The following TAF8 variants were observed in gnomAD, a reference collection of about 807,000 sequenced individuals.
TAF8 encodes transcription initiation factor TFIID subunit 8.
In TAF8, 47 loss-of-function variants were observed where a neutral mutation model predicts 36.5. That is an observed-to-expected ratio of 1.29 (90% CI 1.02 to 1.64). The LOEUF is 1.64. Ranked by LOEUF, TAF8 falls within the 40% of genes most tolerant of loss-of-function variation. TAF8 has a pLI of 0.00. For missense variants in TAF8, 420 were observed against 407.6 expected (o/e 1.03, Z -0.26); for synonymous variants, 175 against 159.5 (o/e 1.10, Z -0.73).
intron 7 of TAF8, among the ~76,000 whole-genome samples, chr6:42,074,804 T>TA (rs539783179): frequency 2.7e-4 from 41 of 151,452 alleles, no homozygotes; most frequent in Non-Finnish European, 5.2e-4. Context: ...CCCAAAGTGC[T>TA]AGATTACAGG....
chr6:42,071,509 A>G (rs1367930878), intron 7 of TAF8: 1 of 161,614 alleles, frequency 6.2e-6, no homozygotes. Context: ...TATTTTTAGT[A>G]GAGACGGGGT....
rs1446384053 is a variant in TAF8 at position 42,080,384 on chromosome 6, T to C, written c.*2839T>C. On this transcript the variant is annotated 3_prime_UTR_variant, in exon 9 of 9. Coordinates refer to ENST00000372977, the MANE Select transcript of TAF8 (RefSeq NM_138572.3). ...TTTTTTTTTCTTTTCTTTTTTTTTTTTTTTTGAGACGGCATCTCACTCTTA... is the reference window on the plus strand; with the variant it reads ...TTTTTTTTTCTTTTCTTTTTTTTTTCTTTTTGAGACGGCATCTCACTCTTA... The C allele has an allele frequency of 4.0e-6, 4 of 989,168 alleles. No homozygotes were observed. The highest frequency in any genetic ancestry group is 4.8e-6 in the Non-Finnish European group (4 of 831,916). 61.3% of individuals were successfully genotyped at this position (989,168 alleles called of 1,614,324 possible). A position where few individuals can be genotyped will look rare whatever the true frequency, so the allele number is the denominator to read the frequency against.
chr6:42,075,511 T>C (rs1264020355), intron 7 of TAF8, among the ~76,000 whole-genome samples: 1 of 152,252 alleles, frequency 6.6e-6, no homozygotes, highest in Non-Finnish European at 1.5e-5. Flanking sequence ...GTCCATGCCC[T>C]AGGCCAGCTG....
At chr6:42,052,327 C>CT (rs1562008042) in intron 2 of TAF8, among the ~76,000 whole-genome samples, 20 of 149,210 alleles carry the variant, frequency 1.3e-4, no homozygotes, top group African/African-American at 3.8e-4. Flanking sequence ...GCCCCCCCCC[C>CT]CTTTTTTTTT....
chr6:42,054,612 C>G (rs900784908), intron 2 of TAF8, among the ~76,000 whole-genome samples: 1 of 151,306 alleles, frequency 6.6e-6, no homozygotes, highest in African/African-American at 2.4e-5. Context: ...TTTCTTTTTT[C>G]TTTTCTTTTT....
intron 4 of TAF8, 43 bp from the exon 5 acceptor site, chr6:42,057,346 A>C: frequency 6.2e-7 from 1 of 1,613,578 alleles, no homozygotes; most frequent in Non-Finnish European, 8.5e-7. Context: ...TGTAGAAATC[A>C]GGGTCTTGGG....
At position 42,051,430 on chromosome 6, in the gene TAF8, T is replaced by G. The variant is rs764568765; in HGVS notation, c.119T>G (p.Val40Gly). ...HLARRRTLQV[V>G]VSSLLTEAGF... is the part of the protein sequence containing the mutation. ...GCCCGGAGGAGAACCCTGCAGGTGG[T>G]TGTGAGCTCCTTGCTGACAGAGGCA... The change falls in exon 2 of 9, where the codon GTT (valine) becomes GGT (glycine). Residue 40 changes from valine (V) to glycine (G), a missense_variant. Physicochemically the swap from Val to Gly is moderately radical, Grantham distance 109 (BLOSUM62 -3). Transcript: ENST00000372977. The G allele has an allele frequency of 6.2e-7, 1 of 1,613,960 alleles. No homozygotes were observed. Among genetic ancestry groups the G allele is most frequent in the South Asian group, 1.1e-5 (1 of 91,068 alleles).
rs376089718 is a variant in TAF8, at chr6:42,057,441, C to T, written c.417C>T (p.Asn139=). 1.3e-5 allele frequency: 21 copies of T among 1,613,966 alleles called. No homozygotes were observed. The African/African-American group carries it at 2.7e-4, about 21-fold the overall frequency. The change falls in exon 5 of 9, where the codon AAC becomes AAT. Residue 139 remains asparagine, a synonymous_variant. Coordinates refer to ENST00000372977, the MANE Select transcript of TAF8 (RefSeq NM_138572.3). ...VTPKALTAGQ[N]RPHPPHIPSH... is the part of the protein sequence containing the mutation. ...CCAAGGCCCTCACTGCAGGGCAGAACCGACCCCACCCGCCGCACATCCCCA... is the reference window on the plus strand; with the variant it reads ...CCAAGGCCCTCACTGCAGGGCAGAATCGACCCCACCCGCCGCACATCCCCA...
intron 5 of TAF8, among the ~76,000 whole-genome samples, chr6:42,058,257 A>T (rs1044915065): frequency 2.0e-5 from 3 of 152,110 alleles, no homozygotes; most frequent in African/African-American, 7.2e-5. Context: ...GGTGGCACAT[A>T]CCTGTAGTTC....
chr6:42,065,063 C>T (rs771597641), intron 5 of TAF8, among the ~76,000 whole-genome samples: 4 of 151,244 alleles, frequency 2.6e-5, no homozygotes, highest in African/African-American at 7.3e-5. Flanking sequence ...AAATGTTTTC[C>T]GGCTGGGCGC....
Position 42,050,571 on chromosome 6 carries a change from C to T in TAF8, c.30C>T (p.Ala10=), listed in dbSNP as rs1250244217. 14 of 1,556,398 alleles carry T rather than the reference C, an allele frequency of 9.0e-6. No individual in the cohort carries two copies. The highest frequency in any genetic ancestry group is 1.1e-5 in the Non-Finnish European group (13 of 1,150,512). Reference sequence around the variant, plus strand: ...CCGACGCGGCGGCCACAGCTGGGGCCGGTGGCTCCGGAACGGTAAGGGCAG... The same window carrying T: ...CCGACGCGGCGGCCACAGCTGGGGCTGGTGGCTCCGGAACGGTAAGGGCAG... MADAAATAG[A]GGSGTRSGSK... The change falls in exon 1 of 9, where the codon GCC becomes GCT. Residue 10 remains alanine, a synonymous_variant. Coordinates refer to ENST00000372977, the MANE Select transcript of TAF8 (RefSeq NM_138572.3).
At chr6:42,064,752 T>G (rs1475333501) in intron 5 of TAF8, among the ~76,000 whole-genome samples, 2 of 149,604 alleles carry the variant, frequency 1.3e-5, no homozygotes, top group African/African-American at 2.5e-5. Context: ...GGTCAGGAGA[T>G]CGAGACCATC....
intron 2 of TAF8, 29 bp downstream of exon 2, chr6:42,051,542 A>AGTCAACC (rs1302941819): frequency 3.7e-6 from 6 of 1,608,542 alleles, no homozygotes; most frequent in Non-Finnish European, 8.5e-7. Context: ...TTGGCCTTGG[A>AGTCAACC]GTCAACCCCA....
chr6:42,066,255 A>C, intron 5 of TAF8, 57 bp from the exon 6 acceptor site: 2 of 1,601,260 alleles, frequency 1.2e-6, no homozygotes, highest in South Asian at 2.2e-5. Flanking sequence ...CAGGGAGCTG[A>C]TGAAAGCAGA....
In TAF8 at chr6:42,078,670, C is replaced by T; in HGVS notation, c.*1125C>T. 2.0e-6 allele frequency: 2 copies of T among 985,430 alleles called. No individual in the cohort carries two copies. Among genetic ancestry groups the T allele is most frequent in the Non-Finnish European group, 2.4e-6 (2 of 829,942 alleles). 61.0% of individuals were successfully genotyped at this position (985,430 alleles called of 1,614,324 possible). On this transcript the variant is annotated 3_prime_UTR_variant, in exon 9 of 9. Transcript: ENST00000372977. The stretch of plus-strand genomic sequence containing the variant: ...CTCCCTGAAGCGGGGCAGCACTCTC[C>T]TCCTGAGAGATTTACCATTTATTGC...
Position 42,077,802 on chromosome 6 carries a change from C to T in TAF8, c.*257C>T, listed in dbSNP as rs1388370581. ...ATGGAGTCTTACTCTATCACCCAGG[C>T]TGGAATGCAGTGGTGTGATCTCAGC... is the stretch of plus-strand genomic sequence containing the variant. On this transcript the variant is annotated 3_prime_UTR_variant, in exon 9 of 9. Transcript: ENST00000372977. 7.8e-7 allele frequency: 1 copy of T among 1,282,582 alleles called. No individual in the cohort carries two copies. Among genetic ancestry groups the T allele is most frequent in the African/African-American group, 1.5e-5 (1 of 65,742 alleles). The allele number at this position is 1,282,582 out of a possible 1,614,324, so 79.5% of individuals were successfully genotyped here. A position where few individuals can be genotyped will look rare whatever the true frequency, so the allele number is the denominator to read the frequency against.
At chr6:42,059,744 C>T (rs1485960996) in intron 5 of TAF8, among the ~76,000 whole-genome samples, 1 of 152,158 alleles carries the variant, frequency 6.6e-6, no homozygotes, top group African/African-American at 2.4e-5. Flanking sequence ...AGCCTCCGCC[C>T]AGGAATGAAC....
chr6:42,053,871 A>G (rs765567378), intron 2 of TAF8, among the ~76,000 whole-genome samples: 6 of 152,208 alleles, frequency 3.9e-5, no homozygotes, highest in Non-Finnish European at 8.8e-5. Flanking sequence ...TCTTGGAACA[A>G]TCTTGGAATT....
At chr6:42,070,620 G>T (rs1382068865) in intron 7 of TAF8, among the ~76,000 whole-genome samples, 2 of 152,250 alleles carry the variant, frequency 1.3e-5, no homozygotes, top group Non-Finnish European at 2.9e-5. Flanking sequence ...CATTGGCACA[G>T]AAAGTCGTGT....
Sources: gnomAD v4.1 joint callset for allele counts (sites outside exome capture counted in the v4.1 genomes callset) on GRCh38, gnomAD v4.1.1 for gene constraint, MANE v1.5 for transcripts, NCBI Gene and HGNC (gene_info 2026-07-23, HGNC 2026-07-21) for gene names.